The following CDH12 variants were observed in gnomAD, a reference collection of about 807,000 sequenced individuals.
The protein encoded by CDH12 is cadherin-12.
Under a neutral mutation model 74.1 loss-of-function variants are expected in CDH12, and 41 were observed. That is an observed-to-expected ratio of 0.55 (90% CI 0.43 to 0.72). CDH12 has a LOEUF of 0.72. Ranked by LOEUF, CDH12 falls within the 30% of genes least tolerant of loss-of-function variation. The probability of loss-of-function intolerance (pLI) is 0.00; values close to 1 mark genes in which losing one functional copy is unlikely to be tolerated. For synonymous variants in CDH12, 399 were observed against 355.0 expected, an observed-to-expected ratio of 1.12 and a Z score of -1.39; for missense variants, 945 against 977.2, an observed-to-expected ratio of 0.97 and a Z score of 0.44.
chr5:22,678,285 A>G (rs2126924954), intron 1 of CDH12, among the ~76,000 whole-genome samples: 1 of 152,252 alleles, frequency 6.6e-6, no homozygotes, highest in Admixed American at 6.5e-5. Flanking sequence ...TTTTCTTTGG[A>G]GTGTTTGTAG....
At chr5:22,093,320 G>C (rs1247434857) in intron 4 of CDH12, among the ~76,000 whole-genome samples, 1 of 152,098 alleles carries the variant, frequency 6.6e-6, no homozygotes, top group Non-Finnish European at 1.5e-5. Flanking sequence ...TTTGACTCTG[G>C]TGGGGTTTGG....
At chr5:22,153,175 T>G (rs940473661) in intron 4 of CDH12, among the ~76,000 whole-genome samples, 5 of 126,084 alleles carry the variant, frequency 4.0e-5, no homozygotes, top group African/African-American at 1.3e-4. Context: ...TTTTCGTTTT[T>G]TTCTTTTCTT....
chr5:21,929,914 T>C (rs1754758196), intron 6 of CDH12, among the ~76,000 whole-genome samples: 1 of 152,196 alleles, frequency 6.6e-6, no homozygotes, highest in African/African-American at 2.4e-5. Flanking sequence ...TCATATATCC[T>C]AGATAATCCC....
intron 2 of CDH12, among the ~76,000 whole-genome samples, chr5:22,420,124 G>A (rs917811820): frequency 1.1e-4 from 17 of 152,130 alleles, no homozygotes; most frequent in Non-Finnish European, 1.9e-4. Context: ...TCTGTAGGTT[G>A]TCTGTTCACT....
At chr5:21,999,546 A>G (rs758518516) in intron 5 of CDH12, among the ~76,000 whole-genome samples, 3 of 152,176 alleles carry the variant, frequency 2.0e-5, no homozygotes, top group Non-Finnish European at 2.9e-5. Context: ...CATGTCTCTC[A>G]GAGTACCGTA....
At chr5:22,805,501 C>G (rs184450952) in intron 1 of CDH12, among the ~76,000 whole-genome samples, 1 of 151,896 alleles carries the variant, frequency 6.6e-6, no homozygotes, top group African/African-American at 2.4e-5. Flanking sequence ...TATTGATTTT[C>G]TATCTTAAAC....
At position 22,844,231 on chromosome 5, in the gene CDH12, T is replaced by C. The variant is rs1319941587; in HGVS notation, c.-523+8827A>G. Reference sequence around the variant, plus strand: ...ACACAAAGCTTCATGGAGTTACACATTAAGGTTTCCTATAATAACTTGGAA... The same window carrying C: ...ACACAAAGCTTCATGGAGTTACACACTAAGGTTTCCTATAATAACTTGGAA... On this transcript the variant is annotated intron_variant, in intron 1 of 14. Coordinates refer to ENST00000382254, the MANE Select transcript of CDH12 (RefSeq NM_004061.5). Among the ~76,000 whole-genome samples the C allele has an allele frequency of 2.6e-5, 4 of 152,206 alleles. No homozygotes were observed. In the East Asian group the frequency reaches 5.8e-4, roughly 22 times the overall value.
chr5:21,995,143 C>T (rs1168482313), intron 5 of CDH12, among the ~76,000 whole-genome samples: 1 of 152,042 alleles, frequency 6.6e-6, no homozygotes, highest in East Asian at 1.9e-4. Context: ...TCCGGACACA[C>T]CACGTTTAAG....
At chr5:22,739,931 C>A (rs958029510) in intron 1 of CDH12, among the ~76,000 whole-genome samples, 5 of 152,000 alleles carry the variant, frequency 3.3e-5, no homozygotes, top group African/African-American at 1.2e-4. Context: ...TGTTACTATA[C>A]CTTGCTTGAT....
At chr5:21,796,455 C>T (rs1040804266) in intron 10 of CDH12, among the ~76,000 whole-genome samples, 1 of 151,938 alleles carries the variant, frequency 6.6e-6, no homozygotes, top group Non-Finnish European at 1.5e-5. Context: ...CACACCATTG[C>T]AAAGTGAAAA....
chr5:22,042,934 A>G (rs548858744), intron 5 of CDH12, among the ~76,000 whole-genome samples: 84 of 151,780 alleles, frequency 5.5e-4, no homozygotes, highest in African/African-American at 1.8e-3. Context: ...CCTATAATGA[A>G]TAACAAGATT....
At chr5:22,021,321 A>T (rs1737957926) in intron 5 of CDH12, among the ~76,000 whole-genome samples, 1 of 152,222 alleles carries the variant, frequency 6.6e-6, no homozygotes, top group South Asian at 2.1e-4. Context: ...TTTTCTGATT[A>T]GATCTGTTCC....
At chr5:22,560,499 C>T (rs1014350951) in intron 1 of CDH12, among the ~76,000 whole-genome samples, 1 of 151,884 alleles carries the variant, frequency 6.6e-6, no homozygotes, top group Non-Finnish European at 1.5e-5. Context: ...CAGTTTTCTC[C>T]TACTCACCAT....
intron 2 of CDH12, among the ~76,000 whole-genome samples, chr5:22,501,570 G>C (rs1322403452): frequency 2.0e-5 from 3 of 152,052 alleles, no homozygotes; most frequent in African/African-American, 7.2e-5. Context: ...AGTCCATTGT[G>C]AAATCCTAAC....
At position 22,078,661 on chromosome 5, in the gene CDH12, A is replaced by G. The variant is rs772958590; in HGVS notation, c.16T>C (p.Cys6Arg). The change falls in exon 5 of 15, where the codon TGT becomes CGT. Residue 6 changes from cysteine (C) to arginine (R), a missense_variant. By Grantham distance (180) the Cys-to-Arg change is radical. Transcript: ENST00000382254. MLTRN[C>R]LSLLLWVLFD... ...AGAACCCAGAGAAGCAGGGATAAAC[A>G]GTTCCTTGTAAGCATTGGCAAAGGC... is the stretch of plus-strand genomic sequence containing the variant. 2 of 1,613,684 alleles carry G rather than the reference A, an allele frequency of 1.2e-6. No homozygotes were observed. The highest frequency in any genetic ancestry group is 1.7e-5 in the Admixed American group (1 of 59,982).
At chr5:21,800,861 G>T (rs1294492384) in intron 10 of CDH12, among the ~76,000 whole-genome samples, 4 of 152,122 alleles carry the variant, frequency 2.6e-5, no homozygotes, top group Non-Finnish European at 5.9e-5. Context: ...TTCACACGTT[G>T]TGTCTTGCCT....
chr5:21,998,739 C>T (rs1258004319), intron 5 of CDH12, among the ~76,000 whole-genome samples: 6 of 151,982 alleles, frequency 3.9e-5, no homozygotes, highest in African/African-American at 9.7e-5. Flanking sequence ...AGTGTCTTCT[C>T]GTGTGTCATT....
intron 3 of CDH12, among the ~76,000 whole-genome samples, chr5:22,234,033 T>C (rs1026725292): frequency 6.6e-6 from 1 of 152,068 alleles, no homozygotes; most frequent in South Asian, 2.1e-4. Flanking sequence ...CATGGAAAAA[T>C]TATGAAGGAA....
chr5:21,947,884 T>C (rs1388412345), intron 6 of CDH12, among the ~76,000 whole-genome samples: 1 of 152,182 alleles, frequency 6.6e-6, no homozygotes, highest in Admixed American at 6.5e-5. Flanking sequence ...GTGCCCTGTG[T>C]CCCAGCTGCT....
Sources: gnomAD v4.1 joint callset for allele counts (sites outside exome capture counted in the v4.1 genomes callset) on GRCh38, gnomAD v4.1.1 for gene constraint, MANE v1.5 for transcripts, NCBI Gene and HGNC (gene_info 2026-07-23, HGNC 2026-07-21) for gene names.